The following SMUG1 variants were observed in gnomAD, a reference collection of about 807,000 sequenced individuals.
SMUG1 encodes the protein single-strand-selective monofunctional uracil-DNA glycosylase 1, also known as single-strand selective monofunctional uracil DNA glycosylase.
A neutral mutation model predicts 23.9 loss-of-function variants in SMUG1; 13 were observed. That is an observed-to-expected ratio of 0.54 (90% CI 0.35 to 0.86). The LOEUF (loss-of-function observed/expected upper bound fraction) is 0.86. Among genes scored for constraint, SMUG1 ranks in the 40% least tolerant of loss-of-function variants. SMUG1 has a pLI of 0.01. For missense variants in SMUG1, 313 were observed against 339.5 expected, an observed-to-expected ratio of 0.92 and a Z score of 0.61; for synonymous variants, 133 against 139.8, an observed-to-expected ratio of 0.95 and a Z score of 0.34.
Position 54,181,552 on chromosome 12 carries a change from T to C in SMUG1, c.*544A>G, listed in dbSNP as rs1222368764. ...GGGATGAAAAGCCAGGTCTTCTGACTTGCACTCTGTCACACTGGATTTTTC... is the reference window on the plus strand; with the variant it reads ...GGGATGAAAAGCCAGGTCTTCTGACCTGCACTCTGTCACACTGGATTTTTC... On this transcript the variant is annotated 3_prime_UTR_variant, in exon 4 of 4. Transcript: ENST00000682136. 1 of 1,545,800 alleles carries C rather than the reference T, an allele frequency of 6.5e-7. No individual in the cohort carries two copies. Among genetic ancestry groups the C allele is most frequent in the Non-Finnish European group, 8.7e-7 (1 of 1,151,720 alleles).
chr12:54,183,289 CCT>C lies in SMUG1; in HGVS notation c.285+365_285+366del, dbSNP rs754356473. The C allele has an allele frequency of 3.7e-4, 150 of 401,954 alleles. No individual in the cohort carries two copies. The East Asian group carries it at 4.0e-3, about 11-fold the overall frequency. 24.9% of individuals were successfully genotyped at this position (401,954 alleles called of 1,614,324 possible). On this transcript the variant is annotated intron_variant, in intron 3 of 3. Transcript: ENST00000682136. ...GCCCTGCATCTCTTACATACCCACC[CCT>C]GTCAACCAGTCTCTTCTGAGGACCC...
chr12:54,187,481 C>G (rs1238938230), intron 2 of SMUG1, among the ~76,000 whole-genome samples: 1 of 152,164 alleles, frequency 6.6e-6, no homozygotes, highest in Non-Finnish European at 1.5e-5. Flanking sequence ...TTGCATCTCC[C>G]CATGCAACAC....
chr12:54,169,596 G>A (rs1398435539), intron 3 of SMUG1, among the ~76,000 whole-genome samples: 1 of 151,806 alleles, frequency 6.6e-6, no homozygotes, highest in Admixed American at 6.6e-5. Context: ...ATGGGAAAGA[G>A]GAGAGTCCAT....
chr12:54,180,010 G>A (rs1469597859), downstream of SMUG1, among the ~76,000 whole-genome samples: 1 of 151,916 alleles, frequency 6.6e-6, no homozygotes, highest in African/African-American at 2.4e-5. Flanking sequence ...TGTGTCAGAA[G>A]TTTTTATATC....
downstream of SMUG1, among the ~76,000 whole-genome samples, chr12:54,160,096 C>T (rs529052878): frequency 9.2e-5 from 14 of 152,222 alleles, no homozygotes; most frequent in Non-Finnish European, 1.9e-4. Flanking sequence ...GATCCTTCAG[C>T]ACAGCACATC....
chr12:54,180,222 A>G (rs1440402252), downstream of SMUG1: 1 of 152,214 alleles, frequency 6.6e-6, no homozygotes, highest in African/African-American at 2.4e-5. Context: ...GTGGTCTGAG[A>G]TCAAATTCAA....
chr12:54,181,982 G>A lies in SMUG1; in HGVS notation c.*114C>T, dbSNP rs889740130. 7.3e-6 allele frequency: 11 copies of A among 1,502,968 alleles called. 1 individual carries two copies. The highest frequency in any genetic ancestry group is 4.2e-5 in the South Asian group (3 of 71,142). The allele number at this position is 1,502,968 out of a possible 1,614,324, so 93.1% of individuals were successfully genotyped here. Reference sequence around the variant, plus strand: ...CAGATCAAAGAATACGTTTCCCAGCGACCAGGGTGCACAGAAGGACCTTTT... The same window carrying A: ...CAGATCAAAGAATACGTTTCCCAGCAACCAGGGTGCACAGAAGGACCTTTT... On this transcript the variant is annotated 3_prime_UTR_variant, in exon 4 of 4. Transcript: ENST00000682136.
intron 3 of SMUG1, 94 bp downstream of exon 3, chr12:54,183,562 A>G (rs560241951): frequency 1.5e-5 from 19 of 1,290,716 alleles, no homozygotes; most frequent in Non-Finnish European, 2.1e-5. Context: ...ACACATGTCT[A>G]CAGCCATGCA....
chr12:54,187,083 T>C (rs904060161), intron 2 of SMUG1: 16 of 152,248 alleles, frequency 1.1e-4, no homozygotes, highest in African/African-American at 3.9e-4. Flanking sequence ...TCCACTTCTA[T>C]ATCCTGAGTT....
In SMUG1 at chr12:54,170,790, T is replaced by G. The variant is rs1592349734; in HGVS notation, c.*52+1235A>C. On this transcript the variant is annotated intron_variant and NMD_transcript_variant, in intron 3 of 4. Transcript: ENST00000509864. ...TTTTTATTTTTTGTAGAGACAGAGGTCTCACTATGTTGCACAGGCTGGTCT... is the reference window on the plus strand; with the variant it reads ...TTTTTATTTTTTGTAGAGACAGAGGGCTCACTATGTTGCACAGGCTGGTCT... 3.3e-5 allele frequency among the ~76,000 whole-genome samples: 5 copies of G among 152,090 alleles called. No individual in the cohort carries two copies. In the South Asian group the frequency reaches 8.3e-4, roughly 25 times the overall value.
intron 3 of SMUG1, among the ~76,000 whole-genome samples, chr12:54,167,410 C>T (rs941623007): frequency 6.6e-6 from 1 of 152,180 alleles, no homozygotes; most frequent in African/African-American, 2.4e-5. Context: ...TCCCCCACAA[C>T]CCAGGGACCA....
downstream of SMUG1, chr12:54,162,924 C>G (rs557363310): frequency 6.6e-6 from 1 of 152,344 alleles, no homozygotes; most frequent in South Asian, 2.1e-4. Flanking sequence ...GCAGCTAAAT[C>G]CCCCAGCCAT....
chr12:54,162,530 A>G (rs1940302550), downstream of SMUG1: 1 of 152,174 alleles, frequency 6.6e-6, no homozygotes, highest in South Asian at 2.1e-4. Flanking sequence ...CCAGAAAACC[A>G]CCCAAAGCTC....
chr12:54,180,211 T>C (rs1940872813), downstream of SMUG1: 1 of 152,180 alleles, frequency 6.6e-6, no homozygotes, highest in Non-Finnish European at 1.5e-5. Flanking sequence ...CAAACTCAGG[T>C]GTGGTCTGAG....
chr12:54,166,299 T>G (rs1050086719), intron 3 of SMUG1, among the ~76,000 whole-genome samples: 3 of 152,186 alleles, frequency 2.0e-5, no homozygotes, highest in African/African-American at 7.2e-5. Context: ...AGGCAGAGGT[T>G]GCAGTGAGCC....
downstream of SMUG1, among the ~76,000 whole-genome samples, chr12:54,178,297 C>T (rs1191178266): frequency 2.0e-5 from 3 of 152,096 alleles, no homozygotes; most frequent in Non-Finnish European, 4.4e-5. Context: ...TCAACCTCTC[C>T]GACAAGATGC....
Position 54,181,904 on chromosome 12 carries a change from G to A in SMUG1, c.*192C>T, listed in dbSNP as rs902891553. The A allele has an allele frequency of 2.8e-6, 4 of 1,432,702 alleles. No individual in the cohort carries two copies. The highest frequency in any genetic ancestry group is 1.6e-5 in the South Asian group (1 of 63,352). The allele number at this position is 1,432,702 out of a possible 1,614,324, so 88.7% of individuals were successfully genotyped here. On this transcript the variant is annotated 3_prime_UTR_variant, in exon 4 of 4. Transcript: ENST00000682136. The stretch of plus-strand genomic sequence containing the variant: ...AAGGTAAAGAAAGCAGGAATCAGGA[G>A]GGCAAACAGGAGTAGTGTCAAAACT...
At chr12:54,162,482 C>T (rs1940301006), downstream of SMUG1, 1 of 152,160 alleles carries the variant, frequency 6.6e-6, no homozygotes, top group African/African-American at 2.4e-5. Context: ...CTCAGGAGGA[C>T]AGAACCTACC....
chr12:54,158,442 T>C (rs1225962688), intron 4 of SMUG1, among the ~76,000 whole-genome samples: 1 of 152,124 alleles, frequency 6.6e-6, no homozygotes, highest in African/African-American at 2.4e-5. Context: ...AGAAGAAATC[T>C]TGTAGTGGTC....
Sources: allele counts gnomAD v4.1 joint callset (sites outside exome capture counted in the v4.1 genomes callset), GRCh38; gene constraint gnomAD v4.1.1; transcripts MANE v1.5; gene names NCBI Gene and HGNC (gene_info 2026-07-23, HGNC 2026-07-21).